SETD2: variants seen among roughly 807,000 people sequenced by gnomAD.
SETD2 encodes SET domain containing 2, histone lysine methyltransferase, also known as histone-lysine N-methyltransferase SETD2.
A neutral mutation model predicts 242.1 loss-of-function variants in SETD2; 31 were observed. The observed-to-expected ratio is 0.13, with a 90% CI of 0.10 to 0.17. The LOEUF (loss-of-function observed/expected upper bound fraction) is 0.17. Among genes scored for constraint, SETD2 ranks in the 10% least tolerant of loss-of-function variants. The pLI, the probability that SETD2 is intolerant of heterozygous loss-of-function variation, is 1.00. For missense variants in SETD2, 2,481 were observed against 3,046.3 expected (o/e 0.81, Z 4.37); for synonymous variants, 1,006 against 1,066.5 (o/e 0.94, Z 1.11).
intron 14 of SETD2, among the ~76,000 whole-genome samples, chr3:47,059,119 T>C (rs865788408): frequency 2.8e-4 from 36 of 128,148 alleles, no homozygotes; most frequent in African/African-American, 1.4e-3. Context: ...TTTTTTTTTT[T>C]TTTTTTTTTT....
At chr3:47,114,065 T>C (rs1156644294) in intron 4 of SETD2, 61 bp from the exon 5 acceptor site, 1 of 1,529,132 alleles carries the variant, frequency 6.5e-7, no homozygotes, top group Non-Finnish European at 8.9e-7. Flanking sequence ...AAAGTAACTT[T>C]GAAAAAATGT....
At chr3:47,050,723 C>CTCTTTTTT (rs1553682525) in intron 15 of SETD2, among the ~76,000 whole-genome samples, 15 of 66,878 alleles carry the variant, frequency 2.2e-4, no homozygotes, top group East Asian at 1.1e-3. Context: ...TTTCCTCTCT[C>CTCTTTTTT]TTTTTTTTTT....
At chr3:47,107,709 A>T (rs1575786506) in intron 5 of SETD2, among the ~76,000 whole-genome samples, 1 of 114,604 alleles carries the variant, frequency 8.7e-6, no homozygotes, top group Admixed American at 1.0e-4. Context: ...AAGAAAAGTC[A>T]CTTTGGGTGG....
At chr3:47,046,351 A>G (rs1463983553) in intron 16 of SETD2, 136 bp downstream of exon 16, 3 of 726,638 alleles carry the variant, frequency 4.1e-6, no homozygotes, top group Non-Finnish European at 6.0e-6. Context: ...AAAAAATAAA[A>G]TAAAATAAAA....
intron 3 of SETD2, among the ~76,000 whole-genome samples, chr3:47,117,062 T>C (rs1294930793): frequency 6.6e-6 from 1 of 151,950 alleles, no homozygotes; most frequent in Non-Finnish European, 1.5e-5. Flanking sequence ...ACAGGGTCTC[T>C]CTATGTTACT....
chr3:47,117,273 AAAAAAAACAAAC>A (rs2042894620), intron 3 of SETD2, among the ~76,000 whole-genome samples: 1 of 138,946 alleles, frequency 7.2e-6, no homozygotes, highest in African/African-American at 3.1e-5. Context: ...AAAAAAAAAA[AAAAAAAACAAAC>A]AAAAAAAAAA....
chr3:47,133,732 C>CA (rs1427303285), intron 1 of SETD2, among the ~76,000 whole-genome samples: 7 of 151,266 alleles, frequency 4.6e-5, no homozygotes, highest in Non-Finnish European at 1.0e-4. Flanking sequence ...GACCCTGTCT[C>CA]AAAAAAAAGA....
intron 18 of SETD2, among the ~76,000 whole-genome samples, chr3:47,020,784 T>C (rs2038182975): frequency 6.6e-6 from 1 of 152,070 alleles, no homozygotes; most frequent in Non-Finnish European, 1.5e-5. Flanking sequence ...GGGCACAGGG[T>C]AGAATAATTT....
chr3:47,120,424 A>G lies in SETD2; in HGVS notation c.4212T>C (p.Leu1404=), dbSNP rs201888134. The change falls in exon 3 of 21, where the codon CTT becomes CTC. Residue 1404 remains leucine (L), a synonymous_variant. Coordinates refer to ENST00000409792, the MANE Select transcript of SETD2 (RefSeq NM_014159.7). ...TCTCTATTTCCTGCCTCCTTTTTTTAAGAGGCCCTCTATCTTTGATATCAT... is the reference window on the plus strand; with the variant it reads ...TCTCTATTTCCTGCCTCCTTTTTTTGAGAGGCCCTCTATCTTTGATATCAT... The part of the protein sequence containing the change: ...EKNDIKDRGP[L]KKRRQEIESD... 1.2e-4 allele frequency: 193 copies of G among 1,611,330 alleles called. No individual in the cohort carries two copies. Among genetic ancestry groups the G allele is most frequent in the Non-Finnish European group, 8.5e-6 (10 of 1,179,314 alleles).
At chr3:47,074,374 GA>G (rs1314305107) in intron 12 of SETD2, among the ~76,000 whole-genome samples, 1 of 152,154 alleles carries the variant, frequency 6.6e-6, no homozygotes, top group African/African-American at 2.4e-5. Flanking sequence ...CTCATGTGCA[GA>G]AATAGCCTGT....
intron 1 of SETD2, among the ~76,000 whole-genome samples, chr3:47,142,187 C>A (rs1436240783): frequency 6.6e-6 from 1 of 152,154 alleles, no homozygotes; most frequent in African/African-American, 2.4e-5. Flanking sequence ...TCAAAAAGTT[C>A]TAATTACGAA....
chr3:47,058,796 G>A (rs2040197457), intron 14 of SETD2, among the ~76,000 whole-genome samples: 1 of 151,708 alleles, frequency 6.6e-6, no homozygotes, highest in Admixed American at 6.6e-5. Flanking sequence ...GGGGCACAGG[G>A]GAATTTTTTT....
rs756651085 is a variant in SETD2, at chr3:47,062,374, T to G, written c.6110-28A>C. 9 of 1,032,812 alleles carry G rather than the reference T, an allele frequency of 8.7e-6. No individual in the cohort carries two copies. The Admixed American group carries it at 1.5e-4, about 17-fold the overall frequency. The allele number at this position is 1,032,812 out of a possible 1,614,324, so 64.0% of individuals were successfully genotyped here. ...AAGGGAAAAGGGTGGTTTGTTTGTT[T>G]TTTTTTTTTTTAAGTTTATTTGGTG... On this transcript the variant is annotated intron_variant, in intron 13 of 20. Coordinates refer to ENST00000409792, the MANE Select transcript of SETD2 (RefSeq NM_014159.7).
intron 18 of SETD2, among the ~76,000 whole-genome samples, chr3:47,037,163 G>T (rs1426358202): frequency 6.8e-6 from 1 of 147,722 alleles, no homozygotes; most frequent in Non-Finnish European, 1.5e-5. Context: ...AAGTTTTAGG[G>T]TAGATGTGCA....
In SETD2 at chr3:47,121,847, A is replaced by G. The variant is rs2106662320; in HGVS notation, c.2789T>C (p.Val930Ala). Residue 930 changes from valine to alanine, a missense_variant, in exon 3 of 21, where the codon GTA becomes GCA. Val to Ala is a moderately conservative substitution (Grantham distance 64). Coordinates refer to ENST00000409792, the MANE Select transcript of SETD2 (RefSeq NM_014159.7). ...ATCAGGAAGGTCACTACCTACTTCT[A>G]CTATTGTTTCTTTCCCTGCATGCTT... is the stretch of plus-strand genomic sequence containing the variant. ...FLKHAGKETI[V>A]EVGSDLPDSG... is the part of the protein sequence containing the mutation. 6.2e-7 allele frequency: 1 copy of G among 1,613,990 alleles called. No individual in the cohort carries two copies. Among genetic ancestry groups the G allele is most frequent in the Non-Finnish European group, 8.5e-7 (1 of 1,179,998 alleles).
chr3:47,056,935 C>T lies in SETD2; in HGVS notation c.6849G>A (p.Gln2283=), dbSNP rs756696500. 4 of 1,614,142 alleles carry T rather than the reference C, an allele frequency of 2.5e-6. No individual in the cohort carries two copies. Among genetic ancestry groups the T allele is most frequent in the Non-Finnish European group, 3.4e-6 (4 of 1,180,048 alleles). The change falls in exon 15 of 21, where the codon CAG becomes CAA. Residue 2283 remains glutamine, a synonymous_variant. Transcript: ENST00000409792. ...GAGACTGTGCAGGAGAGTACTGCTGCTGTACACTGACAGACTGTTGGTTTG... is the reference window on the plus strand; with the variant it reads ...GAGACTGTGCAGGAGAGTACTGCTGTTGTACACTGACAGACTGTTGGTTTG... ...WDSNQQSVSV[Q]QQYSPAQSQA...
At chr3:47,077,508 A>C (rs1016268893) in intron 12 of SETD2, among the ~76,000 whole-genome samples, 31 of 152,232 alleles carry the variant, frequency 2.0e-4, no homozygotes, top group African/African-American at 7.2e-4. Context: ...CAAAAGATTC[A>C]AAGGAGGGTA....
At chr3:47,042,899 C>A (rs1281775057) in intron 16 of SETD2, among the ~76,000 whole-genome samples, 199 bp from the exon 17 acceptor site, 2 of 151,992 alleles carry the variant, frequency 1.3e-5, no homozygotes, top group East Asian at 1.9e-4. Flanking sequence ...TGACAGTTGG[C>A]TCTAAGTTTA....
intron 18 of SETD2, among the ~76,000 whole-genome samples, chr3:47,029,442 G>C (rs2038661448): frequency 6.7e-6 from 1 of 148,886 alleles, no homozygotes; most frequent in Admixed American, 6.7e-5. Flanking sequence ...AAAAATGTAA[G>C]CCTATGGATC....
Sources: gnomAD v4.1 joint callset for allele counts (sites outside exome capture counted in the v4.1 genomes callset) on GRCh38, gnomAD v4.1.1 for gene constraint, MANE v1.5 for transcripts, NCBI Gene and HGNC (gene_info 2026-07-23, HGNC 2026-07-21) for gene names.